The following PCNX2 variants were observed in gnomAD, a reference collection of about 807,000 sequenced individuals.
PCNX2 encodes pecanex-like protein 2.
Under a neutral mutation model 223.8 loss-of-function variants are expected in PCNX2, and 168 were observed. That is an observed-to-expected ratio of 0.75 (90% CI 0.66 to 0.85). The LOEUF (loss-of-function observed/expected upper bound fraction) is 0.85, where lower values mean the gene tolerates loss of function less well. Among genes scored for constraint, PCNX2 ranks in the 40% least tolerant of loss-of-function variants. The probability of loss-of-function intolerance (pLI) is 0.00; values close to 1 mark genes in which losing one functional copy is unlikely to be tolerated. For missense variants in PCNX2, 2,507 were observed against 2,675.5 expected (o/e 0.94, Z 1.39); for synonymous variants, 1,006 against 1,052.6 (o/e 0.96, Z 0.86).
intron 25 of PCNX2, among the ~76,000 whole-genome samples, chr1:233,040,521 C>T (rs1386251551): frequency 6.6e-6 from 1 of 152,166 alleles, no homozygotes; most frequent in Admixed American, 6.5e-5. Context: ...CACATGTCTC[C>T]CACCACTTGG....
chr1:233,084,825 G>A (rs1302874466), intron 23 of PCNX2, among the ~76,000 whole-genome samples: 1 of 152,172 alleles, frequency 6.6e-6, no homozygotes, highest in Non-Finnish European at 1.5e-5. Context: ...TTACGGGGAT[G>A]TATAAACACA....
chr1:233,245,349 AAAG>A (rs1659043952), intron 8 of PCNX2, among the ~76,000 whole-genome samples: 1 of 152,274 alleles, frequency 6.6e-6, no homozygotes, highest in Non-Finnish European at 1.5e-5. Context: ...CTGAGAAGGA[AAAG>A]AAGCATAACA....
chr1:233,262,065 G>T lies in PCNX2; in HGVS notation c.460C>A (p.His154Asn). 6.2e-7 allele frequency: 1 copy of T among 1,613,856 alleles called. No individual in the cohort carries two copies. The highest frequency in any genetic ancestry group is 8.5e-7 in the Non-Finnish European group (1 of 1,179,776). ...CSSRGQSITS[H>N]HSSGPLELSA... ...CTAACCAATGGCCCAGAAGAGTGAT[G>T]AGAGGTTATGCTTTGCCCTCTGGAG... Residue 154 changes from histidine to asparagine, a missense_variant, in exon 3 of 34, where the codon CAT (histidine) becomes AAT (asparagine). Physicochemically the swap from His to Asn is moderately conservative, Grantham distance 68. Transcript: ENST00000258229.
intron 25 of PCNX2, among the ~76,000 whole-genome samples, chr1:233,037,757 A>T (rs963353298): frequency 6.6e-6 from 1 of 152,208 alleles, no homozygotes. Context: ...CAGATTTTAT[A>T]TTGCAACAGT....
chr1:233,004,427 C>T (rs2102802184), intron 28 of PCNX2, among the ~76,000 whole-genome samples: 1 of 151,906 alleles, frequency 6.6e-6, no homozygotes, highest in South Asian at 2.1e-4. Flanking sequence ...AGCAACTCAT[C>T]CTACATTCCT....
intron 17 of PCNX2, among the ~76,000 whole-genome samples, chr1:233,170,048 A>G (rs1486560756): frequency 6.6e-6 from 1 of 152,202 alleles, no homozygotes; most frequent in Non-Finnish European, 1.5e-5. Flanking sequence ...TTTAGCTGTA[A>G]TAAGTTTATT....
chr1:233,156,592 T>C lies in PCNX2; in HGVS notation c.3517+3691A>G, dbSNP rs1343928090. Among the ~76,000 whole-genome samples the C allele has an allele frequency of 2.0e-5, 3 of 152,090 alleles. No homozygotes were observed. The East Asian group carries it at 5.8e-4, about 30-fold the overall frequency. On this transcript the variant is annotated intron_variant, in intron 19 of 33. Coordinates refer to ENST00000258229, the MANE Select transcript of PCNX2 (RefSeq NM_014801.4). ...GGGGAATCTATTCAGGTTTAGGTGG[T>C]CGGGGCAAGACTTCTCTGGAGGGGC...
At chr1:233,241,316 C>T (rs1487283431) in intron 8 of PCNX2, 8 of 985,386 alleles carry the variant, frequency 8.1e-6, no homozygotes, top group Non-Finnish European at 8.4e-6. Context: ...CCACACTGAG[C>T]GGCAGGGCCA....
At chr1:233,232,272 A>G (rs1299106179) in intron 9 of PCNX2, among the ~76,000 whole-genome samples, 1 of 152,228 alleles carries the variant, frequency 6.6e-6, no homozygotes, top group Non-Finnish European at 1.5e-5. Flanking sequence ...GTAGAACATC[A>G]ATAAATGATA....
intron 22 of PCNX2, among the ~76,000 whole-genome samples, chr1:233,093,469 A>G (rs1673991736): frequency 6.6e-6 from 1 of 152,216 alleles, no homozygotes; most frequent in African/African-American, 2.4e-5. Context: ...TAGAGTGATA[A>G]AATAATTAAC....
chr1:233,039,433 T>C (rs1671568255), intron 25 of PCNX2, among the ~76,000 whole-genome samples: 1 of 152,200 alleles, frequency 6.6e-6, no homozygotes, highest in Admixed American at 6.5e-5. Context: ...CTACTTACTT[T>C]ATAGAGCTGT....
At chr1:233,048,949 T>C (rs1294442397) in intron 25 of PCNX2, among the ~76,000 whole-genome samples, 2 of 152,152 alleles carry the variant, frequency 1.3e-5, no homozygotes, top group Non-Finnish European at 2.9e-5. Context: ...TCTTCCAAGA[T>C]TGAATCAGGA....
rs557951539 is a variant in PCNX2 at position 233,048,231 on chromosome 1, C to T, written c.4351+6037G>A. On this transcript the variant is annotated intron_variant, in intron 25 of 33. Transcript: ENST00000258229. ...CAGCACTTTGGGAGGCCAAGGCAGG[C>T]GGATCACTTGAGGTCAGGAGTTCGA... is the stretch of plus-strand genomic sequence containing the variant. Among the ~76,000 whole-genome samples, 206 of 152,182 alleles carry T rather than the reference C, an allele frequency of 1.4e-3. 2 individuals carry two copies. The highest frequency in any genetic ancestry group is 4.6e-3 in the African/African-American group (191 of 41,530).
chr1:233,134,161 C>T (rs1314178084), intron 21 of PCNX2, among the ~76,000 whole-genome samples: 1 of 152,192 alleles, frequency 6.6e-6, no homozygotes, highest in Non-Finnish European at 1.5e-5. Context: ...AACCCCGTGG[C>T]TGCTGTATTC....
intron 8 of PCNX2, among the ~76,000 whole-genome samples, chr1:233,242,538 A>C (rs1241152442): frequency 1.3e-5 from 2 of 152,254 alleles, no homozygotes; most frequent in Non-Finnish European, 2.9e-5. Flanking sequence ...CGTAAAAGCC[A>C]GATTAATACT....
chr1:233,191,944 C>A (rs1009964461), intron 15 of PCNX2, among the ~76,000 whole-genome samples: 2 of 152,176 alleles, frequency 1.3e-5, no homozygotes, highest in Non-Finnish European at 2.9e-5. Context: ...TTCTTCATAT[C>A]TACTGCCTGT....
At chr1:233,058,900 T>C (rs1043810399) in intron 23 of PCNX2, among the ~76,000 whole-genome samples, 3 of 152,138 alleles carry the variant, frequency 2.0e-5, no homozygotes, top group Admixed American at 1.3e-4. Context: ...CTCGACCTCA[T>C]GATCCACCTG....
At chr1:233,059,226 C>A (rs1393950333) in intron 23 of PCNX2, among the ~76,000 whole-genome samples, 1 of 152,190 alleles carries the variant, frequency 6.6e-6, no homozygotes, top group African/African-American at 2.4e-5. Context: ...GCTTGAGATT[C>A]CTTTGTCATG....
chr1:233,261,953 G>A (rs1386569619), intron 3 of PCNX2, 92 bp downstream of exon 3: 2 of 1,551,394 alleles, frequency 1.3e-6, no homozygotes, highest in Non-Finnish European at 1.8e-6. Flanking sequence ...CAGCATGCAA[G>A]CTACAATCAC....
Sources: allele counts gnomAD v4.1 joint callset (sites outside exome capture counted in the v4.1 genomes callset), GRCh38; gene constraint gnomAD v4.1.1; transcripts MANE v1.5; gene names NCBI Gene and HGNC (gene_info 2026-07-23, HGNC 2026-07-21).